RAB27B: variants seen among roughly 807,000 people sequenced by gnomAD.
The protein encoded by RAB27B is ras-related protein Rab-27B.
Under a neutral mutation model 24.6 loss-of-function variants are expected in RAB27B, and 15 were observed. The observed-to-expected ratio is 0.61, with a 90% confidence interval of 0.41 to 0.94. RAB27B has a LOEUF of 0.94. Ranked by LOEUF, RAB27B falls within the 40% of genes least tolerant of loss-of-function variation. RAB27B has a pLI of 0.00. For synonymous variants in RAB27B, 105 were observed against 92.5 expected, an observed-to-expected ratio of 1.14 and a Z score of -0.78; for missense variants, 261 against 266.8, an observed-to-expected ratio of 0.98 and a Z score of 0.15.
rs1377024400 is a variant in RAB27B, at chr18:54,725,956, A to C, written c.-20+7815A>C. Among the ~76,000 whole-genome samples the C allele has an allele frequency of 2.0e-5, 3 of 151,782 alleles. 1 individual carries two copies. Among genetic ancestry groups the C allele is most frequent in the Admixed American group, 6.6e-5 (1 of 15,192 alleles). On this transcript the variant is annotated intron_variant, in intron 2 of 4. Coordinates refer to the RAB27B transcript ENST00000586570. The stretch of plus-strand genomic sequence containing the variant: ...TGGAAATCATTGGTGAACCAGCTGC[A>C]TAATAAAGTGAAAGAAGATAGCTTC...
chr18:54,816,024 C>T (rs1228763211), intron 2 of RAB27B, among the ~76,000 whole-genome samples: 7 of 152,068 alleles, frequency 4.6e-5, no homozygotes, highest in Admixed American at 3.9e-4. Context: ...ATATCGAAAC[C>T]CCTATCTTTT....
chr18:54,768,334 G>A (rs1568058697), intron 2 of RAB27B, among the ~76,000 whole-genome samples: 1 of 152,130 alleles, frequency 6.6e-6, no homozygotes, highest in Non-Finnish European at 1.5e-5. Flanking sequence ...TGTGGCAATG[G>A]CTGCATGGTG....
chr18:54,756,135 G>A (rs112352258), intron 2 of RAB27B, among the ~76,000 whole-genome samples: 114 of 152,290 alleles, frequency 7.5e-4, no homozygotes, highest in Middle Eastern at 3.4e-3. Context: ...AAAGTATGAG[G>A]TGATAATTGA....
chr18:54,855,138 A>G (rs1359689568), intron 1 of RAB27B, among the ~76,000 whole-genome samples: 1 of 152,182 alleles, frequency 6.6e-6, no homozygotes, highest in Admixed American at 6.5e-5. Context: ...GAAGCGTGCA[A>G]CCCAGATCCC....
rs937438194 is a variant in RAB27B at position 54,801,399 on chromosome 18, C to T, written c.-19-76168C>T. Reference sequence around the variant, plus strand: ...AAAAAACTATAAAACTGATTTACAACAATGTATATGACTATTAAAAACCTA... The same window carrying T: ...AAAAAACTATAAAACTGATTTACAATAATGTATATGACTATTAAAAACCTA... On this transcript the variant is annotated intron_variant, in intron 2 of 4. Coordinates refer to the RAB27B transcript ENST00000586570. Among the ~76,000 whole-genome samples, 4 of 152,166 alleles carry T rather than the reference C, an allele frequency of 2.6e-5. No homozygotes were observed. The South Asian group carries it at 6.2e-4, about 24-fold the overall frequency.
At chr18:54,821,206 A>G (rs1265307870) in intron 2 of RAB27B, among the ~76,000 whole-genome samples, 2 of 152,208 alleles carry the variant, frequency 1.3e-5, no homozygotes, top group Non-Finnish European at 2.9e-5. Flanking sequence ...TACAAAATCA[A>G]TGTGCAAAAA....
In RAB27B at chr18:54,892,474, T is replaced by G. The variant is rs11872375; in HGVS notation, c.*3061T>G. On this transcript the variant is annotated 3_prime_UTR_variant, in exon 6 of 6. Transcript: ENST00000262094. ...TCTTGGTCTCCTCACTTACTTCTTA[T>G]GAAGTTGGCATTACCTGAGACTCTT... 1 of 151,854 alleles carries G rather than the reference T, an allele frequency of 6.6e-6. No individual in the cohort carries two copies. The allele number at this position is 151,854 out of a possible 1,614,324, so 9.4% of individuals were successfully genotyped here.
intron 2 of RAB27B, among the ~76,000 whole-genome samples, chr18:54,762,943 G>A (rs1908239386): frequency 1.3e-5 from 2 of 151,984 alleles, no homozygotes; most frequent in East Asian, 1.9e-4. Flanking sequence ...GTGTACCCAG[G>A]CATAAAGGAA....
At chr18:54,797,441 G>A (rs1334117333) in intron 2 of RAB27B, among the ~76,000 whole-genome samples, 1 of 152,186 alleles carries the variant, frequency 6.6e-6, no homozygotes, top group East Asian at 1.9e-4. Flanking sequence ...GCTTGACCCT[G>A]GGAGGTGGAG....
intron 2 of RAB27B, among the ~76,000 whole-genome samples, chr18:54,763,002 T>G (rs571765109): frequency 9.2e-5 from 14 of 152,334 alleles, no homozygotes; most frequent in African/African-American, 3.4e-4. Flanking sequence ...TTATTTTTAC[T>G]TAATGCATTC....
intron 2 of RAB27B, among the ~76,000 whole-genome samples, chr18:54,769,088 A>G (rs1007470018): frequency 3.9e-5 from 6 of 152,180 alleles, no homozygotes; most frequent in Admixed American, 2.0e-4. Flanking sequence ...TCCACAGTCC[A>G]TAGTCTCATC....
chr18:54,736,492 AGCTATTAGGT>A (rs1909897658), intron 2 of RAB27B, among the ~76,000 whole-genome samples: 1 of 152,150 alleles, frequency 6.6e-6, no homozygotes, highest in African/African-American at 2.4e-5. Flanking sequence ...GGCTATTAAT[AGCTATTAGGT>A]GCCTATTACA....
At chr18:54,742,893 C>A (rs1285451162) in intron 2 of RAB27B, among the ~76,000 whole-genome samples, 6 of 152,196 alleles carry the variant, frequency 3.9e-5, no homozygotes, top group East Asian at 1.9e-4. Context: ...AATTTTGCAT[C>A]TATGTCAACT....
chr18:54,815,989 C>G (rs2145157116), intron 2 of RAB27B, among the ~76,000 whole-genome samples: 1 of 152,244 alleles, frequency 6.6e-6, no homozygotes, highest in South Asian at 2.1e-4. Context: ...ATTTTTGTTT[C>G]AATGTGAACA....
intron 1 of RAB27B, among the ~76,000 whole-genome samples, chr18:54,865,237 TTGTGTG>T (rs3060044): frequency 0.013 from 1,893 of 143,350 alleles, 13 homozygotes; most frequent in Non-Finnish European, 0.016. Flanking sequence ...CAATGGCCTT[TTGTGTG>T]TGTGTGTGTG....
chr18:54,858,660 G>A (rs1294447198), intron 1 of RAB27B, among the ~76,000 whole-genome samples: 3 of 152,134 alleles, frequency 2.0e-5, no homozygotes, highest in South Asian at 2.1e-4. Flanking sequence ...GATTACAGGC[G>A]TGAGCCACTG....
intron 1 of RAB27B, among the ~76,000 whole-genome samples, chr18:54,831,995 C>T (rs538229385): frequency 3.3e-5 from 5 of 152,258 alleles, no homozygotes; most frequent in African/African-American, 4.8e-5. Context: ...GGGATAATCT[C>T]GATCTGCTGA....
chr18:54,755,108 G>A (rs1907960050), intron 2 of RAB27B, among the ~76,000 whole-genome samples: 1 of 152,148 alleles, frequency 6.6e-6, no homozygotes, highest in African/African-American at 2.4e-5. Context: ...TGTCACTTAA[G>A]GCTGGGCACA....
At chr18:54,819,199 T>C (rs190027273) in intron 2 of RAB27B, among the ~76,000 whole-genome samples, 2 of 147,470 alleles carry the variant, frequency 1.4e-5, no homozygotes, top group African/African-American at 2.5e-5. Flanking sequence ...ACTATAAATA[T>C]TATATAATTA....
Sources: gnomAD v4.1 joint callset for allele counts (sites outside exome capture counted in the v4.1 genomes callset) on GRCh38, gnomAD v4.1.1 for gene constraint, MANE v1.5 for transcripts, NCBI Gene and HGNC (gene_info 2026-07-23, HGNC 2026-07-21) for gene names.